Variants in RHOBTB3 observed in about 807,000 individuals in gnomAD.
RHOBTB3 encodes the protein Rho related BTB domain containing 3, also known as rho-related BTB domain-containing protein 3.
In RHOBTB3, 47 loss-of-function variants were observed where a neutral mutation model predicts 67.2. The ratio of observed to expected loss-of-function variants is 0.70; its 90% CI spans 0.55 to 0.89. RHOBTB3 has a LOEUF of 0.89. RHOBTB3 is among the 40% of genes least tolerant of loss of function. The pLI, the probability that RHOBTB3 is intolerant of heterozygous loss-of-function variation, is 0.00. For synonymous variants in RHOBTB3, 273 were observed against 274.2 expected, an observed-to-expected ratio of 1.00 and a Z score of 0.04; for missense variants, 631 against 750.0, an observed-to-expected ratio of 0.84 and a Z score of 1.85.
chr5:95,755,685 C>A lies in RHOBTB3; in HGVS notation c.972C>A (p.Asn324Lys). Residue 324 changes from asparagine (N) to lysine (K), a missense_variant, in exon 6 of 12, where the codon AAC becomes AAA. Transcript: ENST00000379982. ...GTGCTAGCCATGAATCTTCAGGCAA[C>A]CCACCATTACGAGTCATTGTTAAAG... is the stretch of plus-strand genomic sequence containing the variant. The part of the protein sequence containing the change: ...FPGASHESSG[N>K]PPLRVIVKDA... The A allele has an allele frequency of 6.2e-7, 1 of 1,614,084 alleles. No homozygotes were observed. Among genetic ancestry groups the A allele is most frequent in the Non-Finnish European group, 8.5e-7 (1 of 1,179,970 alleles).
At chr5:95,730,966 C>A (rs1296959385), upstream of RHOBTB3, 6 of 520,284 alleles carry the variant, frequency 1.2e-5, no homozygotes, top group Non-Finnish European at 1.7e-5. Context: ...GGGCTGGAAT[C>A]CCTAGCTTCC....
chr5:95,762,948 G>T (rs1334193228), intron 6 of RHOBTB3, among the ~76,000 whole-genome samples: 1 of 152,172 alleles, frequency 6.6e-6, no homozygotes, highest in African/African-American at 2.4e-5. Flanking sequence ...GGACAGTGGG[G>T]TGATTTTGCT....
Position 95,731,510 on chromosome 5 carries a change from T to A in RHOBTB3, c.-173T>A. 1 of 1,252,910 alleles carries A rather than the reference T, an allele frequency of 8.0e-7. No homozygotes were observed. Among genetic ancestry groups the A allele is most frequent in the South Asian group, 3.3e-5 (1 of 29,954 alleles). 77.6% of individuals were successfully genotyped at this position (1,252,910 alleles called of 1,614,324 possible). A position where few individuals can be genotyped will look rare whatever the true frequency, so the allele number is the denominator to read the frequency against. On this transcript the variant is annotated 5_prime_UTR_variant, in exon 1 of 12. Coordinates refer to ENST00000379982, the MANE Select transcript of RHOBTB3 (RefSeq NM_014899.4). ...CCGCCCTGGTCCCCGGCTCGCTCGCTGGCTGGCGCGGCCCCGGCCCCGCTC... is the reference window on the plus strand; with the variant it reads ...CCGCCCTGGTCCCCGGCTCGCTCGCAGGCTGGCGCGGCCCCGGCCCCGCTC...
intron 1 of RHOBTB3, among the ~76,000 whole-genome samples, chr5:95,724,771 T>C (rs886443381): frequency 1.3e-5 from 2 of 152,190 alleles, no homozygotes; most frequent in Non-Finnish European, 2.9e-5. Context: ...CCCCATTTTC[T>C]CTCCAGTAAA....
rs1435845713 is a variant in RHOBTB3 at position 95,731,508 on chromosome 5, G to T, written c.-175G>T. The T allele has an allele frequency of 4.0e-6, 5 of 1,249,756 alleles. No homozygotes were observed. In the East Asian group the frequency reaches 1.7e-4, roughly 42 times the overall value. The allele number at this position is 1,249,756 out of a possible 1,614,324, so 77.4% of individuals were successfully genotyped here. On this transcript the variant is annotated 5_prime_UTR_variant, in exon 1 of 12. Transcript: ENST00000379982. Reference sequence around the variant, plus strand: ...GCCCGCCCTGGTCCCCGGCTCGCTCGCTGGCTGGCGCGGCCCCGGCCCCGC... The same window carrying T: ...GCCCGCCCTGGTCCCCGGCTCGCTCTCTGGCTGGCGCGGCCCCGGCCCCGC...
chr5:95,718,777 G>A (rs77956023), intron 1 of RHOBTB3, among the ~76,000 whole-genome samples: 4,685 of 152,258 alleles, frequency 0.031, 191 homozygotes, highest in African/African-American at 0.094. Flanking sequence ...GACAAGAGAT[G>A]CAGCATGAAA....
chr5:95,755,775 TG>T lies in RHOBTB3; in HGVS notation c.1048+16del. On this transcript the variant is annotated intron_variant, in intron 6 of 11. Transcript: ENST00000379982. ...TCATTTATTCAGGTATCTTGTCAAG[TG>T]GTTCTGGTTACTTACAATCTCATAA... is the stretch of plus-strand genomic sequence containing the variant. 6.2e-7 allele frequency: 1 copy of T among 1,611,788 alleles called. No homozygotes were observed. Among genetic ancestry groups the T allele is most frequent in the South Asian group, 1.1e-5 (1 of 90,982 alleles).
intron 6 of RHOBTB3, among the ~76,000 whole-genome samples, chr5:95,758,330 CTGAT>C (rs1184717510): frequency 6.6e-6 from 1 of 152,212 alleles, no homozygotes; most frequent in Non-Finnish European, 1.5e-5. Context: ...TGCACTCATT[CTGAT>C]ACTGTTTGAA....
chr5:95,745,505 T>C (rs2112787731), intron 3 of RHOBTB3, among the ~76,000 whole-genome samples: 1 of 152,296 alleles, frequency 6.6e-6, no homozygotes, highest in Non-Finnish European at 1.5e-5. Context: ...GCCTGGTCCT[T>C]TACTAGGCTA....
chr5:95,731,988 GA>G lies in RHOBTB3; in HGVS notation c.134del (p.Asn45ThrfsTer45). ...VSGDESSLLL[N>X]AASTVARPVF... The stretch of plus-strand genomic sequence containing the variant: ...CCGGGGACGAGAGCAGCTTGTTGCT[GA>G]ACGCGGCCAGCACGGTCGCGCGTCC... On this transcript the variant is annotated frameshift_variant, in exon 2 of 12. Transcript: ENST00000379982. LOFTEE classifies it high-confidence loss of function. The G allele has an allele frequency of 6.2e-7, 1 of 1,614,184 alleles. No individual in the cohort carries two copies.
intron 8 of RHOBTB3, among the ~76,000 whole-genome samples, chr5:95,768,597 G>A (rs1178396416): frequency 6.6e-6 from 1 of 152,034 alleles, no homozygotes; most frequent in South Asian, 2.1e-4. Flanking sequence ...ATTTTATTCA[G>A]CTGTCTTCTG....
chr5:95,731,002 T>C, upstream of RHOBTB3: 1 of 657,258 alleles, frequency 1.5e-6, no homozygotes, highest in South Asian at 1.5e-5. Context: ...CAGTCCGGAG[T>C]GAGCGGGGGC....
At chr5:95,787,250 A>G (rs1746249117) in intron 10 of RHOBTB3, among the ~76,000 whole-genome samples, 1 of 152,208 alleles carries the variant, frequency 6.6e-6, no homozygotes, top group African/African-American at 2.4e-5. Context: ...TGGCTTCTCT[A>G]AAAAGCTGAA....
chr5:95,740,770 C>T (rs1385275130), intron 3 of RHOBTB3, among the ~76,000 whole-genome samples: 1 of 152,176 alleles, frequency 6.6e-6, no homozygotes, highest in East Asian at 1.9e-4. Flanking sequence ...TCTTTGAGAA[C>T]TTTCTTCTTT....
At chr5:95,736,151 T>C (rs1755451245) in intron 2 of RHOBTB3, among the ~76,000 whole-genome samples, 2 of 152,348 alleles carry the variant, frequency 1.3e-5, no homozygotes, top group South Asian at 2.1e-4. Context: ...CTGGCCCCAG[T>C]TCTAAATAAA....
chr5:95,781,120 G>T (rs1266731993), intron 9 of RHOBTB3, among the ~76,000 whole-genome samples: 1 of 152,202 alleles, frequency 6.6e-6, no homozygotes, highest in African/African-American at 2.4e-5. Context: ...GGAGGCACTT[G>T]AAGAAATAGC....
At chr5:95,789,004 A>C (rs1580432573) in intron 11 of RHOBTB3, 146 bp downstream of exon 11, 1 of 558,004 alleles carries the variant, frequency 1.8e-6, no homozygotes. Context: ...GTGGTAATTG[A>C]GGAAACAATT....
chr5:95,724,426 G>A (rs1370899319), intron 1 of RHOBTB3, among the ~76,000 whole-genome samples: 1 of 152,180 alleles, frequency 6.6e-6, no homozygotes. Context: ...AAATGTTTGG[G>A]GAGTTAGAAA....
chr5:95,723,471 A>T (rs142227499), intron 1 of RHOBTB3, among the ~76,000 whole-genome samples: 2 of 152,378 alleles, frequency 1.3e-5, no homozygotes, highest in African/African-American at 4.8e-5. Flanking sequence ...AAGACTGACT[A>T]AATGGTTATT....
Sources: gnomAD v4.1 joint callset for allele counts (sites outside exome capture counted in the v4.1 genomes callset) on GRCh38, gnomAD v4.1.1 for gene constraint, MANE v1.5 for transcripts, NCBI Gene and HGNC (gene_info 2026-07-23, HGNC 2026-07-21) for gene names.